PCDH15: variants seen among roughly 807,000 people sequenced by gnomAD.
PCDH15 encodes protocadherin related 15, also known as protocadherin-15.
A neutral mutation model predicts 178.5 loss-of-function variants in PCDH15; 129 were observed. The ratio of observed to expected loss-of-function variants is 0.72; its 90% CI spans 0.63 to 0.84. The LOEUF (loss-of-function observed/expected upper bound fraction) is 0.84, where lower values mean the gene tolerates loss of function less well. Among genes scored for constraint, PCDH15 ranks in the 40% least tolerant of loss-of-function variants. PCDH15 has a pLI of 0.00. For missense variants in PCDH15, 2,230 were observed against 2,099.9 expected (o/e 1.06, Z -1.21); for synonymous variants, 800 against 732.0 (o/e 1.09, Z -1.50).
Position 54,556,357 on chromosome 10 carries a change from C to G in PCDH15, c.92-28480G>C, listed in dbSNP as rs1272920906. 2.2e-5 allele frequency among the ~76,000 whole-genome samples: 3 copies of G among 135,360 alleles called. No individual in the cohort carries two copies. The Admixed American group carries it at 2.4e-4, about 11-fold the overall frequency. The allele number at this position is 135,360 out of a possible 152,430, so 88.8% of individuals were successfully genotyped here. ...CCTTATACAAGTCTTCTGCTAGACACTGAAGGACCTTGAATCTCTCTATAA... is the reference window on the plus strand; with the variant it reads ...CCTTATACAAGTCTTCTGCTAGACAGTGAAGGACCTTGAATCTCTCTATAA... On this transcript the variant is annotated intron_variant, in intron 2 of 37. Coordinates refer to ENST00000644397, the MANE Select transcript of PCDH15 (RefSeq NM_001384140.1).
intron 3 of PCDH15, among the ~76,000 whole-genome samples, chr10:54,835,199 T>G (rs2133755331): frequency 6.6e-6 from 1 of 152,252 alleles, no homozygotes; most frequent in Non-Finnish European, 1.5e-5. Flanking sequence ...ATCAGTAGAC[T>G]TCAGCAGGAG....
At chr10:54,804,927 TTA>T (rs71014419), upstream of PCDH15, among the ~76,000 whole-genome samples, 99 of 50,842 alleles carry the variant, frequency 1.9e-3, 13 homozygotes, top group East Asian at 5.1e-3. Flanking sequence ...TCATAGTAGA[TTA>T]TATATATATA....
intron 14 of PCDH15, among the ~76,000 whole-genome samples, chr10:54,145,494 A>G (rs568879715): frequency 1.3e-5 from 2 of 152,206 alleles, no homozygotes; most frequent in South Asian, 2.1e-4. Flanking sequence ...ATTGTATTCT[A>G]TTATTTTTGA....
chr10:55,215,882 A>G (rs1379577605), intron 1 of PCDH15, among the ~76,000 whole-genome samples: 1 of 151,994 alleles, frequency 6.6e-6, no homozygotes, highest in Non-Finnish European at 1.5e-5. Flanking sequence ...CTGAAGTTAC[A>G]ATCTTGATGT....
intron 2 of PCDH15, among the ~76,000 whole-genome samples, chr10:55,341,314 T>C (rs897198437): frequency 2.0e-5 from 3 of 152,076 alleles, no homozygotes; most frequent in South Asian, 2.1e-4. Flanking sequence ...ATATCATTTA[T>C]GAAAAAAGTC....
intron 26 of PCDH15, among the ~76,000 whole-genome samples, chr10:53,895,988 T>C (rs1446449949): frequency 6.6e-6 from 1 of 152,198 alleles, no homozygotes; most frequent in Non-Finnish European, 1.5e-5. Context: ...TGAGTAATAC[T>C]AGGAAAGTTA....
chr10:54,504,678 T>C (rs2081014579), intron 3 of PCDH15, among the ~76,000 whole-genome samples: 1 of 152,156 alleles, frequency 6.6e-6, no homozygotes, highest in African/African-American at 2.4e-5. Flanking sequence ...ATCACTTTTG[T>C]TCAGCTAATT....
rs1323662176 is a variant in PCDH15, at chr10:55,620,757, T to C, written c.-156+6868A>G. Among the ~76,000 whole-genome samples the C allele has an allele frequency of 2.0e-5, 3 of 151,478 alleles. No individual in the cohort carries two copies. In the East Asian group the frequency reaches 5.8e-4, roughly 29 times the overall value. On this transcript the variant is annotated intron_variant, in intron 2 of 5. Transcript: ENST00000613346. ...TAAATAATATATAATCTAGCAGTGG[T>C]ACAATAATTAATATATTATTTTTCA...
At chr10:54,477,893 A>G (rs373445512) in intron 3 of PCDH15, among the ~76,000 whole-genome samples, 2 of 152,274 alleles carry the variant, frequency 1.3e-5, no homozygotes, top group Admixed American at 6.5e-5. Context: ...AAATAAACAA[A>G]TAATTTTTCT....
At chr10:55,066,563 C>A (rs1841568990) in intron 2 of PCDH15, among the ~76,000 whole-genome samples, 1 of 144,484 alleles carries the variant, frequency 6.9e-6, no homozygotes, top group Non-Finnish European at 1.5e-5. Flanking sequence ...AATTTATAGT[C>A]TTATTTGTGA....
chr10:54,479,538 T>C (rs536225585), intron 3 of PCDH15, among the ~76,000 whole-genome samples: 2 of 152,020 alleles, frequency 1.3e-5, no homozygotes, highest in Admixed American at 1.3e-4. Context: ...ATAATAACTT[T>C]TATCTTTACA....
chr10:53,936,420 A>G (rs1360663572), intron 25 of PCDH15, among the ~76,000 whole-genome samples: 2 of 152,122 alleles, frequency 1.3e-5, no homozygotes, highest in South Asian at 4.1e-4. Context: ...TTACAGATTG[A>G]ATGTTATGAC....
chr10:54,903,032 T>C (rs1243769578), intron 2 of PCDH15, among the ~76,000 whole-genome samples: 3 of 152,200 alleles, frequency 2.0e-5, no homozygotes, highest in Non-Finnish European at 4.4e-5. Context: ...TCCTTGATTT[T>C]TCAAATTAGA....
At chr10:54,809,865 G>A (rs1476889832) in intron 3 of PCDH15, among the ~76,000 whole-genome samples, 2 of 152,106 alleles carry the variant, frequency 1.3e-5, no homozygotes, top group African/African-American at 4.8e-5. Context: ...ATACTTTTGA[G>A]TAATTGAAAC....
chr10:55,128,497 A>G (rs1378032079), intron 2 of PCDH15, among the ~76,000 whole-genome samples: 3 of 152,048 alleles, frequency 2.0e-5, no homozygotes, highest in Non-Finnish European at 2.9e-5. Context: ...GAATAAAATC[A>G]TCTACCATTT....
At chr10:54,839,243 C>T (rs1348149663) in intron 3 of PCDH15, among the ~76,000 whole-genome samples, 3 of 151,878 alleles carry the variant, frequency 2.0e-5, no homozygotes, top group Non-Finnish European at 2.9e-5. Context: ...ACTTTAAGGA[C>T]ACAGATAAAT....
intron 2 of PCDH15, among the ~76,000 whole-genome samples, chr10:55,391,560 C>T (rs1280841034): frequency 6.6e-6 from 1 of 152,036 alleles, no homozygotes; most frequent in Non-Finnish European, 1.5e-5. Context: ...AATCTTGGCT[C>T]ACTGCAACCT....
chr10:54,025,789 G>A (rs544027693), intron 18 of PCDH15, among the ~76,000 whole-genome samples: 12 of 152,046 alleles, frequency 7.9e-5, no homozygotes, highest in African/African-American at 2.4e-4. Flanking sequence ...GAGCCACTGC[G>A]CCTGGCCATT....
intron 25 of PCDH15, among the ~76,000 whole-genome samples, chr10:53,904,955 G>T (rs1004103868): frequency 6.6e-6 from 1 of 152,174 alleles, no homozygotes; most frequent in African/African-American, 2.4e-5. Context: ...TACTGATGAC[G>T]TATATTTTCT....
Sources: allele counts gnomAD v4.1 joint callset (sites outside exome capture counted in the v4.1 genomes callset), GRCh38; gene constraint gnomAD v4.1.1; transcripts MANE v1.5; gene names NCBI Gene and HGNC (gene_info 2026-07-23, HGNC 2026-07-21).